EPB41L2: variants seen among roughly 807,000 people sequenced by gnomAD.
EPB41L2 encodes erythrocyte membrane protein band 4.1 like 2, also known as band 4.1-like protein 2.
A neutral mutation model predicts 113.0 loss-of-function variants in EPB41L2; 43 were observed. The observed-to-expected ratio is 0.38, with a 90% CI of 0.30 to 0.49. EPB41L2 has a LOEUF of 0.49. Ranked by LOEUF, EPB41L2 falls within the 20% of genes least tolerant of loss-of-function variation. EPB41L2 has a pLI of 0.95. For missense variants in EPB41L2, 1,147 were observed against 1,223.4 expected (o/e 0.94, Z 0.93); for synonymous variants, 442 against 436.7 (o/e 1.01, Z -0.15).
intron 1 of EPB41L2, among the ~76,000 whole-genome samples, chr6:131,056,523 T>C (rs748620906): frequency 6.6e-6 from 1 of 152,218 alleles, no homozygotes; most frequent in Non-Finnish European, 1.5e-5. Context: ...GTGATCACCA[T>C]AGGAAATTAC....
chr6:130,923,234 C>A (rs1192399339), intron 4 of EPB41L2, among the ~76,000 whole-genome samples: 2 of 152,160 alleles, frequency 1.3e-5, no homozygotes, highest in African/African-American at 4.8e-5. Context: ...TACTTTTGTG[C>A]TTTGGGTGTA....
At chr6:130,940,172 C>T (rs1326135312) in intron 3 of EPB41L2, among the ~76,000 whole-genome samples, 3 of 152,172 alleles carry the variant, frequency 2.0e-5, no homozygotes, top group Admixed American at 1.3e-4. Flanking sequence ...TTTATTTAAA[C>T]CCCAATAAAT....
Position 131,021,821 on chromosome 6 carries a change from G to C in EPB41L2, c.-15+41334C>G, listed in dbSNP as rs557523208. Among the ~76,000 whole-genome samples, 6 of 152,228 alleles carry C rather than the reference G, an allele frequency of 3.9e-5. No homozygotes were observed. The East Asian group carries it at 1.2e-3, about 29-fold the overall frequency. ...ATAGATGAAACTAAGGCACCTAGTT[G>C]GTAAGGACGAACCCAGACAGTCAAG... On this transcript the variant is annotated intron_variant, in intron 1 of 19. Coordinates refer to ENST00000337057, the MANE Select transcript of EPB41L2 (RefSeq NM_001431.4).
chr6:130,967,995 G>T (rs1226668760), intron 1 of EPB41L2, among the ~76,000 whole-genome samples: 2 of 152,134 alleles, frequency 1.3e-5, no homozygotes, highest in Non-Finnish European at 2.9e-5. Context: ...CCATGATCAT[G>T]ACAGATGCCA....
intron 1 of EPB41L2, among the ~76,000 whole-genome samples, chr6:131,002,084 G>T (rs1784475766): frequency 6.6e-6 from 1 of 152,174 alleles, no homozygotes; most frequent in Non-Finnish European, 1.5e-5. Flanking sequence ...AAATAAAGGT[G>T]AGTCTGAAGC....
chr6:130,909,844 G>A (rs867280912), intron 4 of EPB41L2, among the ~76,000 whole-genome samples: 52 of 152,114 alleles, frequency 3.4e-4, no homozygotes, highest in African/African-American at 1.2e-3. Flanking sequence ...CCTCTTCAAG[G>A]AGAACTACAA....
In EPB41L2 at chr6:130,956,381, C is replaced by G; in HGVS notation, c.105G>C (p.Gln35His). The change falls in exon 2 of 20, where the codon CAG (glutamine) becomes CAC (histidine). Residue 35 changes from glutamine to histidine, a missense_variant. Physicochemically the swap from Gln to His is conservative, Grantham distance 24. Transcript: ENST00000337057. ...EKPKEVAENQ[Q>H]NQSSDPEEEK... ...CCTCCTCTGGATCGGAAGACTGATT[C>G]TGCTGATTTTCTGCTACTTCTTTAG... The G allele has an allele frequency of 6.2e-7, 1 of 1,614,150 alleles. No individual in the cohort carries two copies. Among genetic ancestry groups the G allele is most frequent in the Non-Finnish European group, 8.5e-7 (1 of 1,180,036 alleles).
At chr6:130,943,203 G>A (rs1037231016) in intron 3 of EPB41L2, among the ~76,000 whole-genome samples, 4 of 152,100 alleles carry the variant, frequency 2.6e-5, no homozygotes, top group Admixed American at 1.3e-4. Flanking sequence ...ACTAATTCAT[G>A]CTCCCACCAA....
At chr6:130,981,226 C>G (rs1779318334) in intron 1 of EPB41L2, among the ~76,000 whole-genome samples, 2 of 152,122 alleles carry the variant, frequency 1.3e-5, no homozygotes, top group Admixed American at 6.6e-5. Context: ...AAATAAGTTA[C>G]CCAGGAGAAT....
chr6:130,946,965 T>C (rs1199769670), intron 3 of EPB41L2, among the ~76,000 whole-genome samples: 1 of 151,560 alleles, frequency 6.6e-6, no homozygotes, highest in African/African-American at 2.4e-5. Context: ...AAAAAAAAAT[T>C]ATCTATAGAG....
At chr6:130,884,887 C>G (rs1224183224) in intron 12 of EPB41L2, among the ~76,000 whole-genome samples, 4 of 152,164 alleles carry the variant, frequency 2.6e-5, no homozygotes, top group African/African-American at 7.2e-5. Context: ...AAATTACTTA[C>G]TTGCATTAAA....
intron 1 of EPB41L2, among the ~76,000 whole-genome samples, chr6:131,021,245 GT>G (rs1294200439): frequency 2.0e-5 from 3 of 152,070 alleles, no homozygotes; most frequent in Non-Finnish European, 4.4e-5. Context: ...GACTTCCTAG[GT>G]TACAACACCT....
At chr6:130,847,491 C>CA (rs1777390927) in intron 19 of EPB41L2, among the ~76,000 whole-genome samples, 1 of 133,646 alleles carries the variant, frequency 7.5e-6, no homozygotes, top group African/African-American at 2.5e-5. Context: ...TAATTTGTAA[C>CA]GTAAGACTGA....
intron 7 of EPB41L2, 82 bp from the exon 8 acceptor site, chr6:130,899,660 G>C: frequency 7.7e-7 from 1 of 1,300,382 alleles, no homozygotes; most frequent in South Asian, 1.3e-5. Context: ...TCTGTGCTCA[G>C]AGGGTTTGGA....
intron 15 of EPB41L2, 177 bp from the exon 16 acceptor site, chr6:130,867,758 C>G: frequency 1.4e-6 from 1 of 696,758 alleles, no homozygotes; most frequent in South Asian, 1.9e-5. Flanking sequence ...AATTTTCCTT[C>G]AAATATATCA....
intron 3 of EPB41L2, among the ~76,000 whole-genome samples, chr6:130,929,026 T>C (rs1027970056): frequency 2.0e-5 from 3 of 152,170 alleles, no homozygotes; most frequent in Non-Finnish European, 4.4e-5. Context: ...TCTTTCCTTC[T>C]CTCTCCAGGG....
At chr6:131,056,124 T>A in intron 1 of EPB41L2, among the ~76,000 whole-genome samples, 1 of 152,200 alleles carries the variant, frequency 6.6e-6, no homozygotes, top group East Asian at 1.9e-4. Context: ...AACTAACAAG[T>A]TAAAACACGA....
At chr6:130,865,793 C>A in intron 16 of EPB41L2, 159 bp from the exon 17 acceptor site, 1 of 657,584 alleles carries the variant, frequency 1.5e-6, no homozygotes, top group Non-Finnish European at 2.6e-6. Context: ...TATTTGAAAC[C>A]GAGTAGAGGC....
chr6:130,953,113 T>C (rs1815815828), intron 3 of EPB41L2, among the ~76,000 whole-genome samples: 1 of 151,324 alleles, frequency 6.6e-6, no homozygotes, highest in African/African-American at 2.4e-5. Flanking sequence ...AAGGTCACAT[T>C]AACATCAAGT....
Sources: gnomAD v4.1 joint callset for allele counts (sites outside exome capture counted in the v4.1 genomes callset) on GRCh38, gnomAD v4.1.1 for gene constraint, MANE v1.5 for transcripts, NCBI Gene and HGNC (gene_info 2026-07-23, HGNC 2026-07-21) for gene names.